Variants in CALD1 observed in about 807,000 individuals in gnomAD.
CALD1 encodes caldesmon.
Under a neutral mutation model 99.9 loss-of-function variants are expected in CALD1, and 33 were observed. The ratio of observed to expected loss-of-function variants is 0.33; its 90% confidence interval spans 0.25 to 0.44. CALD1 has a LOEUF of 0.44. Ranked by LOEUF, CALD1 falls within the 20% of genes least tolerant of loss-of-function variation. CALD1 has a pLI of 1.00. For missense variants in CALD1, 861 were observed against 962.1 expected, an observed-to-expected ratio of 0.89 and a Z score of 1.39; for synonymous variants, 310 against 325.0, an observed-to-expected ratio of 0.95 and a Z score of 0.50.
rs142918579 is a variant in CALD1 at position 134,920,874 on chromosome 7, T to C, written c.72-7880T>C. ...ATTAAGGAAAACAGACTTGGAAACT[T>C]TGATCTGAATGGAGTCCTCTTTAAG... On this transcript the variant is annotated intron_variant, in intron 3 of 14. Transcript: ENST00000361675. Among the ~76,000 whole-genome samples the C allele has an allele frequency of 2.1e-4, 32 of 152,382 alleles. No homozygotes were observed. In the East Asian group the frequency reaches 5.8e-3, roughly 28 times the overall value.
At chr7:134,752,087 G>A (rs182559663) in intron 1 of CALD1, among the ~76,000 whole-genome samples, 10 of 152,332 alleles carry the variant, frequency 6.6e-5, no homozygotes, top group Admixed American at 5.2e-4. Flanking sequence ...CATACTGGGA[G>A]GAGATTTCCA....
intron 3 of CALD1, among the ~76,000 whole-genome samples, chr7:134,913,257 T>A (rs1803952400): frequency 6.6e-6 from 1 of 151,520 alleles, no homozygotes; most frequent in Admixed American, 6.6e-5. Flanking sequence ...CAAGAGTGAA[T>A]CTCCATCTCA....
At chr7:134,855,487 C>G (rs1242653249) in intron 2 of CALD1, among the ~76,000 whole-genome samples, 1 of 152,066 alleles carries the variant, frequency 6.6e-6, no homozygotes, top group Admixed American at 6.5e-5. Flanking sequence ...GAAAACATTC[C>G]CAAAGAAACA....
chr7:134,744,576 T>C (rs1351748723), intron 1 of CALD1, among the ~76,000 whole-genome samples: 1 of 151,450 alleles, frequency 6.6e-6, no homozygotes, highest in African/African-American at 2.4e-5. Flanking sequence ...GGAGGTAACA[T>C]CACATATGTA....
At position 134,933,247 on chromosome 7, in the gene CALD1, T is replaced by C. The variant is rs898905866; in HGVS notation, c.478T>C (p.Tyr160His). Reference sequence around the variant, plus strand: ...AAAAAGTGAAAGTCGCCAAGAAAGATACGAGATAGAGGAAACAGAAACAGT... The same window carrying C: ...AAAAAGTGAAAGTCGCCAAGAAAGACACGAGATAGAGGAAACAGAAACAGT... The part of the protein sequence containing the change: ...EEKSESRQER[Y>H]EIEETETVTK... The change falls in exon 5 of 15, where the codon TAC (tyrosine) becomes CAC (histidine). Residue 160 changes from tyrosine (Y) to histidine (H), a missense_variant. Tyr to His is a moderately conservative substitution (Grantham distance 83). Coordinates refer to ENST00000361675, the MANE Select transcript of CALD1 (RefSeq NM_033138.4). 1.2e-5 allele frequency: 19 copies of C among 1,596,108 alleles called. No homozygotes were observed. Among genetic ancestry groups the C allele is most frequent in the Non-Finnish European group, 1.6e-5 (19 of 1,173,150 alleles).
Position 134,935,783 on chromosome 7 carries a change from G to GTAA in CALD1, c.1386+20_1386+22dup, listed in dbSNP as rs1253446434. On this transcript the variant is annotated intron_variant, in intron 6 of 14. Coordinates refer to ENST00000361675, the MANE Select transcript of CALD1 (RefSeq NM_033138.4). The stretch of plus-strand genomic sequence containing the variant: ...AAGAAGAGGTAAATATGATTGAAAA[G>GTAA]TAATGATCGTAAAGCAACAGAAAAA... 1 of 1,561,254 alleles carries GTAA rather than the reference G, an allele frequency of 6.4e-7. No individual in the cohort carries two copies. The highest frequency in any genetic ancestry group is 8.6e-7 in the Non-Finnish European group (1 of 1,156,378).
At chr7:134,818,919 T>G (rs1798663462) in intron 1 of CALD1, among the ~76,000 whole-genome samples, 1 of 152,094 alleles carries the variant, frequency 6.6e-6, no homozygotes, top group Non-Finnish European at 1.5e-5. Context: ...ATGGAAAACT[T>G]TAGGAGGAAA....
chr7:134,798,049 A>G (rs776788999), intron 1 of CALD1, among the ~76,000 whole-genome samples: 4 of 152,222 alleles, frequency 2.6e-5, no homozygotes, highest in Non-Finnish European at 4.4e-5. Context: ...ATAATAAAAC[A>G]ATATTGATGC....
chr7:134,882,957 T>G (rs1430158291), intron 3 of CALD1, among the ~76,000 whole-genome samples: 1 of 152,210 alleles, frequency 6.6e-6, no homozygotes, highest in African/African-American at 2.4e-5. Context: ...TGGTTTATGC[T>G]CCTTGAGTGG....
At chr7:134,957,167 C>T (rs1396215192) in intron 9 of CALD1, among the ~76,000 whole-genome samples, 2 of 152,126 alleles carry the variant, frequency 1.3e-5, no homozygotes, top group Non-Finnish European at 2.9e-5. Flanking sequence ...TGTATCCCGC[C>T]TTTTACGTTC....
chr7:134,920,444 G>A, intron 3 of CALD1: 1 of 938,070 alleles, frequency 1.1e-6, no homozygotes. Flanking sequence ...AATAATGATG[G>A]GAATCAAATA....
intron 9 of CALD1, among the ~76,000 whole-genome samples, chr7:134,955,132 C>G (rs1034170000): frequency 1.3e-5 from 2 of 152,188 alleles, no homozygotes; most frequent in Non-Finnish European, 2.9e-5. Flanking sequence ...TGGTTCACAC[C>G]TGTAATCCCA....
intron 1 of CALD1, among the ~76,000 whole-genome samples, chr7:134,750,415 C>T (rs536717642): frequency 2.6e-5 from 4 of 152,278 alleles, no homozygotes; most frequent in Admixed American, 2.6e-4. Context: ...CTGCTTATAG[C>T]GTCCCAAGAC....
intron 1 of CALD1, among the ~76,000 whole-genome samples, chr7:134,793,861 T>C (rs1797639383): frequency 6.6e-6 from 1 of 152,170 alleles, no homozygotes; most frequent in South Asian, 2.1e-4. Context: ...CCTTCTTTTT[T>C]ATTTCAACCC....
intron 1 of CALD1, among the ~76,000 whole-genome samples, chr7:134,801,613 TTCTCTC>T (rs148788199): frequency 6.6e-6 from 1 of 150,650 alleles, no homozygotes; most frequent in East Asian, 1.9e-4. Context: ...TCACATTTTC[TTCTCTC>T]TCTCTCTCTC....
At chr7:134,790,605 C>G (rs533628987) in intron 1 of CALD1, among the ~76,000 whole-genome samples, 5 of 152,178 alleles carry the variant, frequency 3.3e-5, no homozygotes, top group Non-Finnish European at 5.9e-5. Flanking sequence ...CAGAGCTAAA[C>G]ACCATTGCTT....
At chr7:134,901,731 GC>G (rs751701535) in intron 3 of CALD1, among the ~76,000 whole-genome samples, 4 of 152,004 alleles carry the variant, frequency 2.6e-5, no homozygotes, top group Non-Finnish European at 5.9e-5. Flanking sequence ...GCTTCTGGTA[GC>G]CCCAGATATT....
chr7:134,895,413 T>G (rs1476122395), intron 3 of CALD1, among the ~76,000 whole-genome samples: 3 of 151,658 alleles, frequency 2.0e-5, no homozygotes, highest in Admixed American at 6.6e-5. Flanking sequence ...ATTTTCAAAT[T>G]GCTAGGAGCT....
At chr7:134,895,941 C>T (rs1160509403) in intron 3 of CALD1, among the ~76,000 whole-genome samples, 1 of 152,178 alleles carries the variant, frequency 6.6e-6, no homozygotes, top group Non-Finnish European at 1.5e-5. Context: ...CCTGCTCTGT[C>T]CTGTCTCATC....
Sources: gnomAD v4.1 joint callset for allele counts (sites outside exome capture counted in the v4.1 genomes callset) on GRCh38, gnomAD v4.1.1 for gene constraint, MANE v1.5 for transcripts, NCBI Gene and HGNC (gene_info 2026-07-23, HGNC 2026-07-21) for gene names.